The following KANSL1 variants were observed in gnomAD, a reference collection of about 807,000 sequenced individuals.
KANSL1 encodes MLL1/MLL complex subunit KANSL1.
A neutral mutation model predicts 103.6 loss-of-function variants in KANSL1; 22 were observed. That is an observed-to-expected ratio of 0.21 (90% CI 0.15 to 0.30). KANSL1 has a LOEUF of 0.30. KANSL1 is among the 10% of genes least tolerant of loss of function. The pLI, the probability that KANSL1 is intolerant of heterozygous loss-of-function variation, is 1.00. For missense variants in KANSL1, 1,337 were observed against 1,399.8 expected (o/e 0.96, Z 0.72); for synonymous variants, 600 against 527.6 (o/e 1.14, Z -1.88).
At position 46,068,803 on chromosome 17, in the gene KANSL1, T is replaced by C. The variant is rs529199773; in HGVS notation, c.1534-1136A>G. On this transcript the variant is annotated intron_variant, in intron 4 of 14. Transcript: ENST00000432791. Reference sequence around the variant, plus strand: ...ATATATTTACTAGGCTCAAAACGGATAGGAACAGTATGAATGCCAGTCATA... The same window carrying C: ...ATATATTTACTAGGCTCAAAACGGACAGGAACAGTATGAATGCCAGTCATA... 3.9e-5 allele frequency among the ~76,000 whole-genome samples: 6 copies of C among 152,260 alleles called. No homozygotes were observed. In the East Asian group the frequency reaches 1.2e-3, roughly 29 times the overall value.
At chr17:46,158,139 G>C (rs1293662923) in intron 2 of KANSL1, among the ~76,000 whole-genome samples, 1 of 152,204 alleles carries the variant, frequency 6.6e-6, no homozygotes, top group Non-Finnish European at 1.5e-5. Flanking sequence ...CTGAAATTCT[G>C]CCTTTGACAT....
At chr17:46,197,397 C>G (rs1376563624), upstream of KANSL1, among the ~76,000 whole-genome samples, 1 of 152,248 alleles carries the variant, frequency 6.6e-6, no homozygotes, top group Admixed American at 6.5e-5. Flanking sequence ...AATCCCAGCA[C>G]TCTGGAAGGC....
At chr17:46,038,986 A>C in intron 9 of KANSL1, 41 bp downstream of exon 9, 1 of 1,588,778 alleles carries the variant, frequency 6.3e-7, no homozygotes, top group Non-Finnish European at 8.5e-7. Flanking sequence ...AGCCCTGAGC[A>C]GGTGCAGTTG....
At chr17:46,109,070 C>T (rs541343225) in intron 2 of KANSL1, among the ~76,000 whole-genome samples, 1 of 152,312 alleles carries the variant, frequency 6.6e-6, no homozygotes, top group East Asian at 1.9e-4. Context: ...TCACCTCAGT[C>T]TCTGCAGTAG....
chr17:46,048,235 T>C (rs886235339), intron 7 of KANSL1, among the ~76,000 whole-genome samples: 1 of 151,710 alleles, frequency 6.6e-6, no homozygotes, highest in African/African-American at 2.4e-5. Flanking sequence ...AGAAAGCAAA[T>C]ACACAAACAG....
upstream of KANSL1, chr17:46,196,865 G>A (rs2047627487): frequency 5.8e-6 from 1 of 172,350 alleles, no homozygotes. Context: ...CCAGCACTTT[G>A]AGAGGCCAAT....
intron 1 of KANSL1, among the ~76,000 whole-genome samples, chr17:46,182,279 G>A (rs996268513): frequency 1.3e-5 from 2 of 152,232 alleles, no homozygotes; most frequent in African/African-American, 2.4e-5. Flanking sequence ...TGGGAAAGAC[G>A]TGGGGCATGA....
At chr17:46,168,535 C>T (rs930984785) in intron 2 of KANSL1, among the ~76,000 whole-genome samples, 1 of 152,058 alleles carries the variant, frequency 6.6e-6, no homozygotes, top group Admixed American at 6.6e-5. Flanking sequence ...TTAGTAGAGA[C>T]GGGGTTTCTC....
At chr17:46,213,788 C>T (rs1252558846) in intron 1 of KANSL1, among the ~76,000 whole-genome samples, 2 of 151,890 alleles carry the variant, frequency 1.3e-5, no homozygotes, top group East Asian at 2.0e-4. Flanking sequence ...TGTGGTGGCA[C>T]GTGCCTGTAG....
chr17:46,092,594 G>C (rs902644771), intron 3 of KANSL1, among the ~76,000 whole-genome samples: 3 of 151,938 alleles, frequency 2.0e-5, no homozygotes, highest in African/African-American at 7.3e-5. Flanking sequence ...AACCAACTGG[G>C]AAATATTCAG....
intron 2 of KANSL1, among the ~76,000 whole-genome samples, chr17:46,105,996 G>T (rs2042549880): frequency 6.6e-6 from 1 of 151,416 alleles, no homozygotes; most frequent in Non-Finnish European, 1.5e-5. Flanking sequence ...ATTGAGGCAG[G>T]GTCCCCCTTT....
At chr17:46,076,388 C>T (rs565369380) in intron 4 of KANSL1, among the ~76,000 whole-genome samples, 24 of 150,940 alleles carry the variant, frequency 1.6e-4, no homozygotes, top group Non-Finnish European at 3.2e-4. Flanking sequence ...CCCAGCTACT[C>T]GGGAGGCTGA....
chr17:46,163,877 C>T (rs1208724302), intron 2 of KANSL1, among the ~76,000 whole-genome samples: 1 of 152,210 alleles, frequency 6.6e-6, no homozygotes, highest in Admixed American at 6.5e-5. Context: ...GCCACCAAAG[C>T]CCTATACCTT....
chr17:46,164,558 A>G (rs1168270886), intron 2 of KANSL1, among the ~76,000 whole-genome samples: 1 of 152,280 alleles, frequency 6.6e-6, no homozygotes, highest in East Asian at 1.9e-4. Flanking sequence ...ATCAAGAAAT[A>G]AGATAATCAC....
In KANSL1 at chr17:46,183,468, G is replaced by A. The variant is rs183928958; in HGVS notation, c.-90+9355C>T. ...AGTGGGAGGGTCACTTGAGCCTGGCGGGTGGAGGTCGCAGTGAGCTGTTAT... is the reference window on the plus strand; with the variant it reads ...AGTGGGAGGGTCACTTGAGCCTGGCAGGTGGAGGTCGCAGTGAGCTGTTAT... On this transcript the variant is annotated intron_variant, in intron 1 of 14. Transcript: ENST00000432791. Among the ~76,000 whole-genome samples, 11 of 152,118 alleles carry A rather than the reference G, an allele frequency of 7.2e-5. 1 individual carries two copies. In the South Asian group the frequency reaches 8.3e-4, roughly 11 times the overall value.
intron 2 of KANSL1, among the ~76,000 whole-genome samples, chr17:46,165,837 A>G (rs2045968485): frequency 6.6e-6 from 1 of 152,188 alleles, no homozygotes; most frequent in Non-Finnish European, 1.5e-5. Context: ...AACATTCCAA[A>G]GTATCTAAAA....
intron 4 of KANSL1, among the ~76,000 whole-genome samples, chr17:46,081,077 C>T (rs764359418): frequency 1.7e-4 from 26 of 152,118 alleles, no homozygotes; most frequent in Non-Finnish European, 3.1e-4. Context: ...TATAAACTGT[C>T]TCACAATCAC....
chr17:46,201,029 A>T (rs1321941456), intron 1 of KANSL1, among the ~76,000 whole-genome samples: 1 of 151,936 alleles, frequency 6.6e-6, no homozygotes, highest in Non-Finnish European at 1.5e-5. Context: ...CTCCTACCTC[A>T]GCTGCCCAAG....
In KANSL1 at chr17:46,210,735, C is replaced by T. The variant is rs183952366; in HGVS notation, c.-90+12936G>A. The stretch of plus-strand genomic sequence containing the variant: ...AGATTCCTAATAATGAAATACCACA[C>T]GAGTTGGAAAAATAAGGGAACGGAG... On this transcript the variant is annotated intron_variant, in intron 1 of 14. Coordinates refer to the KANSL1 transcript ENST00000572904. Among the ~76,000 whole-genome samples, 8 of 150,494 alleles carry T rather than the reference C, an allele frequency of 5.3e-5. No individual in the cohort carries two copies. The East Asian group carries it at 1.2e-3, about 22-fold the overall frequency.
Sources: gnomAD v4.1 joint callset for allele counts (sites outside exome capture counted in the v4.1 genomes callset) on GRCh38, gnomAD v4.1.1 for gene constraint, MANE v1.5 for transcripts, NCBI Gene and HGNC (gene_info 2026-07-23, HGNC 2026-07-21) for gene names.